The following GSAP variants were observed in gnomAD, a reference collection of about 807,000 sequenced individuals.
GSAP encodes gamma-secretase-activating protein.
A neutral mutation model predicts 131.7 loss-of-function variants in GSAP; 118 were observed. The ratio of observed to expected loss-of-function variants is 0.90; its 90% CI spans 0.77 to 1.04. GSAP has a LOEUF of 1.04. Among genes scored for constraint, GSAP ranks in the 50% least tolerant of loss-of-function variants. GSAP has a pLI of 0.00. For missense variants in GSAP, 1,019 were observed against 1,013.2 expected, an observed-to-expected ratio of 1.01 and a Z score of -0.08; for synonymous variants, 381 against 363.4, an observed-to-expected ratio of 1.05 and a Z score of -0.55.
chr7:77,408,689 C>CAAAAAAAAAA (rs749202124), intron 1 of GSAP, among the ~76,000 whole-genome samples: 31 of 67,024 alleles, frequency 4.6e-4, no homozygotes, highest in African/African-American at 1.7e-3. Flanking sequence ...ACTCTGCCTC[C>CAAAAAAAAAA]AAAAAAAAAA....
intron 14 of GSAP, among the ~76,000 whole-genome samples, chr7:77,358,044 G>T (rs951250046): frequency 2.6e-5 from 4 of 152,066 alleles, no homozygotes; most frequent in African/African-American, 7.2e-5. Flanking sequence ...AATAAGGTAG[G>T]GTATTATTTT....
rs553585308 is a variant in GSAP, at chr7:77,381,922, C to CA, written c.527-569dup. Among the ~76,000 whole-genome samples the CA allele has an allele frequency of 1.5e-3, 234 of 151,126 alleles. 1 individual carries two copies. Among genetic ancestry groups the CA allele is most frequent in the African/African-American group, 5.6e-3 (229 of 41,114 alleles). On this transcript the variant is annotated intron_variant, in intron 7 of 30. Coordinates refer to ENST00000257626, the MANE Select transcript of GSAP (RefSeq NM_017439.4). ...ATTTACCTTCTGCTGGTCCTAGTTA[C>CA]AAAACTGAGCAAGAGCTTAGAGACT...
intron 3 of GSAP, among the ~76,000 whole-genome samples, chr7:77,401,106 G>C (rs1801243453): frequency 6.6e-6 from 1 of 151,616 alleles, no homozygotes; most frequent in Non-Finnish European, 1.5e-5. Context: ...TGTAACAAAA[G>C]ATCTACCATT....
At chr7:77,378,724 T>C (rs982960705) in intron 8 of GSAP, among the ~76,000 whole-genome samples, 4 of 152,194 alleles carry the variant, frequency 2.6e-5, no homozygotes, top group Non-Finnish European at 4.4e-5. Context: ...AGGTCTGGAA[T>C]CCACGTCCTG....
At chr7:77,382,928 G>A (rs1798009462) in intron 6 of GSAP, among the ~76,000 whole-genome samples, 1 of 152,294 alleles carries the variant, frequency 6.6e-6, no homozygotes, top group Admixed American at 6.5e-5. Context: ...GCTCACACCT[G>A]TATCCCCAGC....
At chr7:77,416,432 C>G, upstream of GSAP, 1 of 528,258 alleles carries the variant, frequency 1.9e-6, no homozygotes, top group Non-Finnish European at 3.2e-6. Flanking sequence ...TTTCCTCTCC[C>G]CCGCCCCCTG....
chr7:77,326,190 A>G (rs369320996), intron 23 of GSAP, 22 bp downstream of exon 23: 78 of 1,572,966 alleles, frequency 5.0e-5, no homozygotes, highest in Non-Finnish European at 6.7e-5. Context: ...GCCAGCCCCT[A>G]AAGAACCCAC....
intron 12 of GSAP, among the ~76,000 whole-genome samples, chr7:77,366,323 G>A (rs144260143): frequency 2.6e-3 from 401 of 152,166 alleles, no homozygotes; most frequent in African/African-American, 9.3e-3. Flanking sequence ...CCTATGACTA[G>A]GATGGTATTG....
At chr7:77,416,405 C>T, upstream of GSAP, 2 of 619,208 alleles carry the variant, frequency 3.2e-6, no homozygotes, top group Middle Eastern at 4.6e-4. Context: ...CCCTCGCGTC[C>T]CCGCTCCCGC....
chr7:77,354,785 G>T (rs1045060650), intron 16 of GSAP, among the ~76,000 whole-genome samples: 1 of 151,606 alleles, frequency 6.6e-6, no homozygotes, highest in African/African-American at 2.4e-5. Context: ...CAGAATGCAC[G>T]TGGAAGTACT....
intron 14 of GSAP, among the ~76,000 whole-genome samples, chr7:77,359,912 C>T (rs969661786): frequency 1.3e-5 from 2 of 152,196 alleles, no homozygotes; most frequent in Non-Finnish European, 2.9e-5. Flanking sequence ...TCTCTTATCA[C>T]AGGAAGCAGT....
chr7:77,317,054 T>C (rs1048300221), intron 26 of GSAP, among the ~76,000 whole-genome samples: 5 of 152,114 alleles, frequency 3.3e-5, no homozygotes, highest in African/African-American at 1.2e-4. Flanking sequence ...CATGTGCATA[T>C]AGAAACACCC....
chr7:77,366,582 T>C (rs976480259), intron 12 of GSAP, among the ~76,000 whole-genome samples: 1 of 152,216 alleles, frequency 6.6e-6, no homozygotes, highest in East Asian at 1.9e-4. Context: ...TCCATTCTAT[T>C]GGTCTATGTG....
chr7:77,402,593 CAAAAA>C (rs56739649), intron 3 of GSAP, among the ~76,000 whole-genome samples: 12 of 24,776 alleles, frequency 4.8e-4, no homozygotes, highest in African/African-American at 6.3e-4. Flanking sequence ...GACTCTGTCT[CAAAAA>C]AAAAAAAAAA....
chr7:77,329,663 C>A (rs10262175), intron 20 of GSAP: 37,919 of 232,026 alleles, frequency 0.16, 4,479 homozygotes, highest in East Asian at 0.42. Context: ...ATGTACCCTC[C>A]ACCCAGTCTC....
chr7:77,360,386 G>A (rs1230993616), intron 14 of GSAP, among the ~76,000 whole-genome samples: 1 of 152,122 alleles, frequency 6.6e-6, no homozygotes, highest in Non-Finnish European at 1.5e-5. Flanking sequence ...AATCATTAAT[G>A]GGACTTGGAA....
At chr7:77,381,821 T>C (rs1797855278) in intron 7 of GSAP, among the ~76,000 whole-genome samples, 1 of 151,940 alleles carries the variant, frequency 6.6e-6, no homozygotes, top group Non-Finnish European at 1.5e-5. Flanking sequence ...CAATTTCATG[T>C]GAACAAAACC....
At chr7:77,343,299 TG>T (rs1791289658) in intron 19 of GSAP, among the ~76,000 whole-genome samples, 1 of 152,228 alleles carries the variant, frequency 6.6e-6, no homozygotes, top group Admixed American at 6.5e-5. Context: ...ATATACTTTC[TG>T]CCCCCCTCCA....
At chr7:77,384,484 T>A (rs1019736641) in intron 6 of GSAP, among the ~76,000 whole-genome samples, 3 of 152,156 alleles carry the variant, frequency 2.0e-5, no homozygotes, top group Non-Finnish European at 4.4e-5. Context: ...GTAAGTAGGA[T>A]TCTATGCAGA....
Sources: allele counts gnomAD v4.1 joint callset (sites outside exome capture counted in the v4.1 genomes callset), GRCh38; gene constraint gnomAD v4.1.1; transcripts MANE v1.5; gene names NCBI Gene and HGNC (gene_info 2026-07-23, HGNC 2026-07-21).